MTUS2: variants seen among roughly 807,000 people sequenced by gnomAD.
MTUS2 encodes microtubule-associated tumor suppressor candidate 2.
In MTUS2, 40 loss-of-function variants were observed where a neutral mutation model predicts 114.1. The ratio of observed to expected loss-of-function variants is 0.35; its 90% CI spans 0.27 to 0.46. The LOEUF (loss-of-function observed/expected upper bound fraction) is 0.46. MTUS2 is among the 20% of genes least tolerant of loss of function. The probability of loss-of-function intolerance (pLI) is 1.00; values close to 1 mark genes in which losing one functional copy is unlikely to be tolerated. For missense variants in MTUS2, 1,679 were observed against 1,705.4 expected, an observed-to-expected ratio of 0.98 and a Z score of 0.27; for synonymous variants, 688 against 672.0, an observed-to-expected ratio of 1.02 and a Z score of -0.37.
At chr13:28,828,248 G>A (rs1271767717) in intron 1 of MTUS2, among the ~76,000 whole-genome samples, 1 of 152,206 alleles carries the variant, frequency 6.6e-6, no homozygotes, top group Admixed American at 6.5e-5. Context: ...CCCACAGGCA[G>A]CCAGACTTTA....
At chr13:29,270,063 T>G (rs1388378271) in intron 5 of MTUS2, among the ~76,000 whole-genome samples, 1 of 151,372 alleles carries the variant, frequency 6.6e-6, no homozygotes, top group Non-Finnish European at 1.5e-5. Context: ...GAAGGGGAGG[T>G]GGGGGTGCTG....
intron 2 of MTUS2, among the ~76,000 whole-genome samples, chr13:28,940,567 A>G (rs1336286848): frequency 6.6e-6 from 1 of 152,174 alleles, no homozygotes; most frequent in African/African-American, 2.4e-5. Context: ...AGGCAATTAA[A>G]TAAGATGGAG....
chr13:28,940,490 G>A (rs549690181), intron 2 of MTUS2, among the ~76,000 whole-genome samples: 6 of 152,276 alleles, frequency 3.9e-5, no homozygotes, highest in Admixed American at 3.3e-4. Context: ...TACTTAGTGG[G>A]TTGGAGGTTA....
chr13:29,029,621 G>C (rs1886720624), intron 3 of MTUS2, among the ~76,000 whole-genome samples: 1 of 152,204 alleles, frequency 6.6e-6, no homozygotes. Context: ...ATAAGGAAAA[G>C]AGGTTTATTT....
intron 5 of MTUS2, among the ~76,000 whole-genome samples, chr13:29,251,298 A>AATAATAAT (rs1297599502): frequency 6.6e-6 from 1 of 150,482 alleles, no homozygotes; most frequent in African/African-American, 2.4e-5. Flanking sequence ...TGATGATAAT[A>AATAATAAT]ATAATAATAA....
At chr13:29,184,047 A>G (rs9551610) in intron 5 of MTUS2, among the ~76,000 whole-genome samples, 3,849 of 152,342 alleles carry the variant, frequency 0.025, 95 homozygotes, top group East Asian at 0.067. Context: ...CCATCAAGCC[A>G]TGTTACGTTT....
In MTUS2 at chr13:29,148,659, T is replaced by C. The variant is rs1243327991; in HGVS notation, c.2644+47689T>C. Among the ~76,000 whole-genome samples, 2 of 113,194 alleles carry C rather than the reference T, an allele frequency of 1.8e-5. 1 individual carries two copies. The highest frequency in any genetic ancestry group is 5.2e-4 in the East Asian group (2 of 3,812). The allele number at this position is 113,194 out of a possible 152,430, so 74.3% of individuals were successfully genotyped here. A position where few individuals can be genotyped will look rare whatever the true frequency, so the allele number is the denominator to read the frequency against. On this transcript the variant is annotated intron_variant, in intron 5 of 15. Coordinates refer to ENST00000612955, the MANE Select transcript of MTUS2 (RefSeq NM_001033602.4). ...ACGCCCGGCTAATTTTTTGTATTTT[T>C]AGTAGAGACGGGGTTTCACCGTTTT...
rs944774968 is a variant in MTUS2, at chr13:28,906,322, T to C, written c.-243+66472T>C. Among the ~76,000 whole-genome samples, 27 of 151,040 alleles carry C rather than the reference T, an allele frequency of 1.8e-4. 1 individual carries two copies. Among genetic ancestry groups the C allele is most frequent in the African/African-American group, 6.1e-4 (25 of 40,838 alleles). ...CTTTTGAATGTGTTTGCTCTTGCTTTTCTAGTTCTTTTAATTGTGATGTTA... is the reference window on the plus strand; with the variant it reads ...CTTTTGAATGTGTTTGCTCTTGCTTCTCTAGTTCTTTTAATTGTGATGTTA... On this transcript the variant is annotated intron_variant, in intron 2 of 15. Coordinates refer to ENST00000612955, the MANE Select transcript of MTUS2 (RefSeq NM_001033602.4).
At chr13:28,827,156 T>G (rs1246851158) in intron 1 of MTUS2, among the ~76,000 whole-genome samples, 1 of 152,222 alleles carries the variant, frequency 6.6e-6, no homozygotes, top group Non-Finnish European at 1.5e-5. Context: ...AGAATTGAAA[T>G]CATGTAGCAG....
intron 2 of MTUS2, among the ~76,000 whole-genome samples, chr13:28,977,074 G>A (rs1884144901): frequency 6.6e-6 from 1 of 152,006 alleles, no homozygotes; most frequent in Admixed American, 6.6e-5. Flanking sequence ...CTGGATATGG[G>A]GAGTGAAGGA....
chr13:29,067,815 A>G (rs1888730363), intron 4 of MTUS2, among the ~76,000 whole-genome samples: 2 of 152,184 alleles, frequency 1.3e-5, no homozygotes, highest in African/African-American at 4.8e-5. Context: ...AGAACAGGAA[A>G]TGAGGGATTG....
Position 28,990,771 on chromosome 13 carries a change from T to C in MTUS2, c.-242-33686T>C, listed in dbSNP as rs561703811. Among the ~76,000 whole-genome samples the C allele has an allele frequency of 3.3e-5, 5 of 152,290 alleles. No homozygotes were observed. In the East Asian group the frequency reaches 7.7e-4, roughly 24 times the overall value. ...AACCCACTTGGGTCCCCTTCCAGGC[T>C]GTGGAAGGTTTGTTCTTTCGCTCTT... On this transcript the variant is annotated intron_variant, in intron 2 of 15. Coordinates refer to ENST00000612955, the MANE Select transcript of MTUS2 (RefSeq NM_001033602.4).
At chr13:29,491,901 C>G in intron 11 of MTUS2, among the ~76,000 whole-genome samples, 1 of 87,986 alleles carries the variant, frequency 1.1e-5, no homozygotes, top group African/African-American at 4.6e-5. Flanking sequence ...GTGTGCGTGG[C>G]GTGTAGTGTG....
chr13:29,105,227 G>A (rs928987103), intron 5 of MTUS2, among the ~76,000 whole-genome samples: 8 of 152,288 alleles, frequency 5.3e-5, no homozygotes, highest in Non-Finnish European at 7.3e-5. Context: ...CCTGTACTTC[G>A]TTATCACATT....
At chr13:29,202,338 A>G (rs1894993081) in intron 5 of MTUS2, among the ~76,000 whole-genome samples, 1 of 152,098 alleles carries the variant, frequency 6.6e-6, no homozygotes, top group African/African-American at 2.4e-5. Context: ...TTCATATGCT[A>G]TGTTTTTCAG....
At chr13:28,974,105 T>C (rs1486608969) in intron 2 of MTUS2, among the ~76,000 whole-genome samples, 1 of 152,218 alleles carries the variant, frequency 6.6e-6, no homozygotes, top group Non-Finnish European at 1.5e-5. Context: ...CTGTCTTTGA[T>C]GCTTGTGTGG....
intron 3 of MTUS2, among the ~76,000 whole-genome samples, chr13:29,029,612 T>C (rs892897897): frequency 3.3e-5 from 5 of 152,162 alleles, no homozygotes; most frequent in African/African-American, 1.2e-4. Flanking sequence ...GGGTAAATTA[T>C]AAGGAAAAGA....
chr13:29,268,549 G>T (rs905757041), intron 5 of MTUS2, among the ~76,000 whole-genome samples: 1 of 152,178 alleles, frequency 6.6e-6, no homozygotes, highest in Middle Eastern at 3.4e-3. Flanking sequence ...GCTGGCCCGA[G>T]CCCTGCCCTC....
intron 3 of MTUS2, 136 bp downstream of exon 3, chr13:29,027,039 G>A: frequency 1.0e-6 from 1 of 965,970 alleles, no homozygotes; most frequent in Non-Finnish European, 1.5e-6. Context: ...GTGAAGAAAT[G>A]GAGTTTTTGA....
Sources: allele counts gnomAD v4.1 joint callset (sites outside exome capture counted in the v4.1 genomes callset), GRCh38; gene constraint gnomAD v4.1.1; transcripts MANE v1.5; gene names NCBI Gene and HGNC (gene_info 2026-07-23, HGNC 2026-07-21).